MOG: variants seen among roughly 807,000 people sequenced by gnomAD.
The protein encoded by MOG is myelin-oligodendrocyte glycoprotein.
Under a neutral mutation model 35.9 loss-of-function variants are expected in MOG, and 20 were observed. The ratio of observed to expected loss-of-function variants is 0.56; its 90% confidence interval spans 0.39 to 0.81. MOG has a LOEUF of 0.81. Ranked by LOEUF, MOG falls within the 30% of genes least tolerant of loss-of-function variation. The pLI, the probability that MOG is intolerant of heterozygous loss-of-function variation, is 0.00. For missense variants in MOG, 251 were observed against 301.0 expected, an observed-to-expected ratio of 0.83 and a Z score of 1.23; for synonymous variants, 92 against 114.3, an observed-to-expected ratio of 0.80 and a Z score of 1.25.
intron 3 of MOG, among the ~76,000 whole-genome samples, chr6:29,667,323 A>C (rs926274517): frequency 7.9e-5 from 8 of 101,904 alleles, no homozygotes; most frequent in African/African-American, 1.9e-4. Context: ...TTAGATAAAC[A>C]AAGTGGCAAC....
Position 29,657,094 on chromosome 6 carries a change from C to T in MOG, c.-116C>T, listed in dbSNP as rs1467666417. 3 of 780,504 alleles carry T rather than the reference C, an allele frequency of 3.8e-6. No homozygotes were observed. The highest frequency in any genetic ancestry group is 1.7e-5 in the African/African-American group (1 of 59,266). 48.3% of individuals were successfully genotyped at this position (780,504 alleles called of 1,614,324 possible). A position where few individuals can be genotyped will look rare whatever the true frequency, so the allele number is the denominator to read the frequency against. ...CGGAGTGGAGGCAGGGCCCAGGCAG[C>T]ACTGCCCTCCAAGATCTTCCCTTGG... On this transcript the variant is annotated 5_prime_UTR_variant, in exon 1 of 8. Transcript: ENST00000376917.
intron 1 of MOG, 58 bp from the exon 2 acceptor site, chr6:29,659,261 G>C: frequency 6.4e-7 from 1 of 1,550,600 alleles, no homozygotes; most frequent in South Asian, 1.1e-5. Context: ...CTCATGACAG[G>C]CTTGCTTGCC....
intron 2 of MOG, chr6:29,661,368 T>C: frequency 1.0e-6 from 1 of 985,348 alleles, no homozygotes; most frequent in Non-Finnish European, 1.2e-6. Context: ...TGTCTCAGAA[T>C]GTTCTTCATA....
rs375879134 is a variant in MOG, at chr6:29,667,934, G to A, written c.592+10G>A. The A allele has an allele frequency of 1.6e-5, 26 of 1,612,812 alleles. No individual in the cohort carries two copies. Among genetic ancestry groups the A allele is most frequent in the East Asian group, 4.5e-5 (2 of 44,896 alleles). On this transcript the variant is annotated intron_variant, in intron 5 of 7. Coordinates refer to ENST00000376917, the MANE Select transcript of MOG (RefSeq NM_206809.4). The stretch of plus-strand genomic sequence containing the variant: ...CTCCACCGGACTTTTGGTAAGTTCC[G>A]GCATGTCTAGGCCCTCCCAGGTCAA...
Position 29,661,107 on chromosome 6 carries a change from G to T in MOG, c.436+1441G>T, listed in dbSNP as rs192149789. Among the ~76,000 whole-genome samples, 3 of 152,322 alleles carry T rather than the reference G, an allele frequency of 2.0e-5. No homozygotes were observed. In the East Asian group the frequency reaches 5.8e-4, roughly 29 times the overall value. On this transcript the variant is annotated intron_variant, in intron 2 of 7. Coordinates refer to ENST00000376917, the MANE Select transcript of MOG (RefSeq NM_206809.4). ...ATTAAGATGTGGACAAGGTGAAGCC[G>T]ATGGAGGGGGAGCTTTGAAAGTTAC...
chr6:29,661,645 A>C, intron 2 of MOG: 1 of 826,292 alleles, frequency 1.2e-6, no homozygotes, highest in Non-Finnish European at 1.5e-6. Flanking sequence ...ACATGGAGAA[A>C]CCCTGTCTCT....
chr6:29,661,311 G>A, intron 2 of MOG: 19 of 908,410 alleles, frequency 2.1e-5, no homozygotes, highest in Non-Finnish European at 2.4e-5. Flanking sequence ...GAACAACAAA[G>A]CACTATTTCT....
Position 29,670,149 on chromosome 6 carries a change from T to A in MOG, c.593-132T>A. ...GCAGTACTTTTCTCATCCAAGTTCATGGACTTTCTGAATTTTGTCCCCAGA... is the reference window on the plus strand; with the variant it reads ...GCAGTACTTTTCTCATCCAAGTTCAAGGACTTTCTGAATTTTGTCCCCAGA... On this transcript the variant is annotated intron_variant, in intron 5 of 7. Transcript: ENST00000376917. The surrounding 1 kb of genome is among the most constrained non-coding windows in gnomAD (Gnocchi z 4.2). 6.8e-7 allele frequency: 1 copy of A among 1,477,218 alleles called. No individual in the cohort carries two copies. Among genetic ancestry groups the A allele is most frequent in the Non-Finnish European group, 9.5e-7 (1 of 1,055,146 alleles). The allele number at this position is 1,477,218 out of a possible 1,614,324, so 91.5% of individuals were successfully genotyped here. A position where few individuals can be genotyped will look rare whatever the true frequency, so the allele number is the denominator to read the frequency against.
In MOG at chr6:29,662,996, G is replaced by A. The variant is rs1016699365; in HGVS notation, c.437-3156G>A. ...TTTTTAAAAAATAAATAGGCCGGGC[G>A]CGGTGGCTCACACCTGTAATCCCAG... On this transcript the variant is annotated intron_variant, in intron 2 of 7. Coordinates refer to ENST00000376917, the MANE Select transcript of MOG (RefSeq NM_206809.4). The surrounding 1 kb of genome is among the most constrained non-coding windows in gnomAD (Gnocchi z 4.2). Among the ~76,000 whole-genome samples, 49 of 152,246 alleles carry A rather than the reference G, an allele frequency of 3.2e-4. 1 individual carries two copies. Among genetic ancestry groups the A allele is most frequent in the Admixed American group, 2.4e-3 (36 of 15,274 alleles).
chr6:29,659,262 C>T, intron 1 of MOG, 57 bp from the exon 2 acceptor site: 5 of 1,556,438 alleles, frequency 3.2e-6, no homozygotes, highest in Non-Finnish European at 4.4e-6. Flanking sequence ...TCATGACAGG[C>T]TTGCTTGCCA....
chr6:29,672,309 TAAATAAATAAATAAATAAATAAATA>T lies in MOG; in HGVS notation c.*1128_*1152del, dbSNP rs1466965820. 1 of 236,010 alleles carries T rather than the reference TAAATAAATAAATAAATAAATAAATA, an allele frequency of 4.2e-6. No homozygotes were observed. The highest frequency in any genetic ancestry group is 2.3e-5 in the African/African-American group (1 of 42,714). The allele number at this position is 236,010 out of a possible 1,614,324, so 14.6% of individuals were successfully genotyped here. Reference sequence around the variant, plus strand: ...TCTCAAAAATAAATAAATAAATAAATAAATAAATAAATAAATAAATAAATAAAAAATAATAATACAAGTTTTCATA... The same window carrying T: ...TCTCAAAAATAAATAAATAAATAAATAAAAATAATAATACAAGTTTTCATA... On this transcript the variant is annotated 3_prime_UTR_variant, in exon 8 of 8. Transcript: ENST00000376917.
intron 1 of MOG, among the ~76,000 whole-genome samples, chr6:29,658,477 C>T (rs1767674802): frequency 1.3e-5 from 2 of 152,112 alleles, no homozygotes; most frequent in Non-Finnish European, 2.9e-5. Context: ...GGTGGAAGAT[C>T]TCAGAAGAGA....
At position 29,671,081 on chromosome 6, in the gene MOG, G is replaced by A. The variant is rs923540847; in HGVS notation, c.731-91G>A. The A allele has an allele frequency of 3.8e-5, 61 of 1,612,492 alleles. No homozygotes were observed. The African/African-American group carries it at 6.9e-4, about 18-fold the overall frequency. On this transcript the variant is annotated intron_variant, in intron 7 of 7. Transcript: ENST00000376917. ...ATTGAGGCAGGAATGGAGACAAGAT[G>A]ACCCCAAGGGCTTTTCTTCTCCCTA...
chr6:29,659,740 G>GAGA, intron 2 of MOG, 74 bp downstream of exon 2: 1 of 1,246,610 alleles, frequency 8.0e-7, no homozygotes, highest in Non-Finnish European at 1.2e-6. Context: ...ACTGAGATGA[G>GAGA]ATCCCTCAAC....
Position 29,662,526 on chromosome 6 carries a change from G to A in MOG, c.436+2860G>A, listed in dbSNP as rs1300250670. 6.6e-6 allele frequency among the ~76,000 whole-genome samples: 1 copy of A among 151,338 alleles called. No homozygotes were observed. Among genetic ancestry groups the A allele is most frequent in the Non-Finnish European group, 1.5e-5 (1 of 67,900 alleles). ...TACAAACCAGAGATAATATTATAAT[G>A]AGCCTCCAAGTGCCTACCACCTTGC... On this transcript the variant is annotated intron_variant, in intron 2 of 7. Transcript: ENST00000376917. The surrounding 1 kb of genome is among the most constrained non-coding windows in gnomAD (Gnocchi z 4.2).
rs753273947 is a variant in MOG, at chr6:29,670,895, G to A, written c.730+174G>A. On this transcript the variant is annotated intron_variant, in intron 7 of 7. Coordinates refer to ENST00000376917, the MANE Select transcript of MOG (RefSeq NM_206809.4). The surrounding 1 kb of genome is among the most constrained non-coding windows in gnomAD (Gnocchi z 4.2). ...TGGGAGGTAGAGGGCAAAGAAGCCA[G>A]CTGTTAGAGACACATTTACAGGTGG... 2 of 1,599,004 alleles carry A rather than the reference G, an allele frequency of 1.3e-6. No homozygotes were observed. The highest frequency in any genetic ancestry group is 1.7e-6 in the Non-Finnish European group (2 of 1,172,774).
At chr6:29,668,600 G>A (rs114888876) in intron 5 of MOG, among the ~76,000 whole-genome samples, 7 of 152,314 alleles carry the variant, frequency 4.6e-5, no homozygotes, top group African/African-American at 1.7e-4. Context: ...GAGGCTGTAG[G>A]TGACTCTACT....
chr6:29,668,678 C>A lies in MOG; in HGVS notation c.592+754C>A, dbSNP rs560653172. ...ATTAGACCAGTGTGTGGACCACACA[C>A]ACACACATCTTTACACACCCAAAGA... is the stretch of plus-strand genomic sequence containing the variant. On this transcript the variant is annotated intron_variant, in intron 5 of 7. Coordinates refer to ENST00000376917, the MANE Select transcript of MOG (RefSeq NM_206809.4). Among the ~76,000 whole-genome samples, 5 of 152,300 alleles carry A rather than the reference C, an allele frequency of 3.3e-5. No individual in the cohort carries two copies. In the South Asian group the frequency reaches 8.3e-4, roughly 25 times the overall value.
chr6:29,662,017 A>G lies in MOG; in HGVS notation c.436+2351A>G. The stretch of plus-strand genomic sequence containing the variant: ...GGCTTTGGAGCCAGGAAGTTGAGAC[A>G]AATTTAGGAATGAGATGAAGTAATG... On this transcript the variant is annotated intron_variant, in intron 2 of 7. Coordinates refer to ENST00000376917, the MANE Select transcript of MOG (RefSeq NM_206809.4). The surrounding 1 kb of genome is among the most constrained non-coding windows in gnomAD (Gnocchi z 4.2). 1 of 985,396 alleles carries G rather than the reference A, an allele frequency of 1.0e-6. No individual in the cohort carries two copies. The highest frequency in any genetic ancestry group is 1.2e-6 in the Non-Finnish European group (1 of 829,934). 61.0% of individuals were successfully genotyped at this position (985,396 alleles called of 1,614,324 possible).
Sources: gnomAD v4.1 joint callset for allele counts (sites outside exome capture counted in the v4.1 genomes callset) on GRCh38, gnomAD v4.1.1 for gene constraint, Gnocchi (gnomAD v3.1) non-coding constraint, MANE v1.5 for transcripts, NCBI Gene and HGNC (gene_info 2026-07-23, HGNC 2026-07-21) for gene names.